The following ERC2 variants were observed in gnomAD, a reference collection of about 807,000 sequenced individuals.
ERC2 encodes the protein ELKS/RAB6-interacting/CAST family member 2.
A neutral mutation model predicts 114.8 loss-of-function variants in ERC2; 42 were observed. The observed-to-expected ratio is 0.37, with a 90% CI of 0.29 to 0.47. The LOEUF (loss-of-function observed/expected upper bound fraction) is 0.47. Among genes scored for constraint, ERC2 ranks in the 20% least tolerant of loss-of-function variants. The pLI is 0.99. For synonymous variants in ERC2, 454 were observed against 425.5 expected (o/e 1.07, Z -0.82); for missense variants, 939 against 1,150.7 (o/e 0.82, Z 2.66).
At chr3:55,978,601 T>C (rs1223743726) in intron 12 of ERC2, among the ~76,000 whole-genome samples, 1 of 152,206 alleles carries the variant, frequency 6.6e-6, no homozygotes, top group Non-Finnish European at 1.5e-5. Context: ...TTACTGAGCA[T>C]CTCCTATGTG....
intron 12 of ERC2, among the ~76,000 whole-genome samples, chr3:55,976,995 TCA>T (rs1256724056): frequency 1.3e-5 from 2 of 152,340 alleles, no homozygotes; most frequent in African/African-American, 4.8e-5. Context: ...CACCTTGTTC[TCA>T]CACAGAGAGA....
chr3:55,686,645 C>G (rs2062348194), intron 16 of ERC2, among the ~76,000 whole-genome samples: 1 of 152,214 alleles, frequency 6.6e-6, no homozygotes, highest in African/African-American at 2.4e-5. Flanking sequence ...AAGAAACAGA[C>G]AAGTATCACT....
At chr3:56,242,477 A>C (rs2051388885) in intron 3 of ERC2, among the ~76,000 whole-genome samples, 1 of 135,736 alleles carries the variant, frequency 7.4e-6, no homozygotes, top group Admixed American at 7.8e-5. Flanking sequence ...ATTTAAATAA[A>C]TAATAAATAA....
rs1575837210 is a variant in ERC2 at position 55,850,213 on chromosome 3, C to A, written c.2564+38176G>T. 3.3e-5 allele frequency among the ~76,000 whole-genome samples: 5 copies of A among 152,290 alleles called. No individual in the cohort carries two copies. In the East Asian group the frequency reaches 9.7e-4, roughly 29 times the overall value. On this transcript the variant is annotated intron_variant, in intron 14 of 17. Transcript: ENST00000288221. ...AGAACATCTGTCATTGGATTTAGGG[C>A]CCATCCAAATATAGGATGTTCTCAT...
intron 17 of ERC2, among the ~76,000 whole-genome samples, chr3:55,539,516 A>G (rs1347073922): frequency 7.2e-6 from 1 of 137,948 alleles, no homozygotes; most frequent in Non-Finnish European, 1.5e-5. Flanking sequence ...TGCACCTCCC[A>G]GGTTCACACC....
intron 5 of ERC2, among the ~76,000 whole-genome samples, chr3:56,142,742 TCTG>T (rs1178049696): frequency 6.6e-6 from 1 of 152,164 alleles, no homozygotes; most frequent in Non-Finnish European, 1.5e-5. Context: ...GCTTTCTGAT[TCTG>T]CTATTTATTC....
chr3:55,710,221 C>T (rs1473620278), intron 15 of ERC2, among the ~76,000 whole-genome samples: 1 of 152,100 alleles, frequency 6.6e-6, no homozygotes, highest in African/African-American at 2.4e-5. Context: ...TCTGTGGACA[C>T]CCCCAGAGAT....
chr3:55,618,614 A>G (rs866314215), intron 17 of ERC2, among the ~76,000 whole-genome samples: 12 of 152,092 alleles, frequency 7.9e-5, no homozygotes, highest in Non-Finnish European at 5.9e-5. Flanking sequence ...TTATAATATA[A>G]TCCCATTCTT....
chr3:56,254,246 TTCC>T (rs2052368910), intron 3 of ERC2, among the ~76,000 whole-genome samples: 1 of 152,254 alleles, frequency 6.6e-6, no homozygotes, highest in African/African-American at 2.4e-5. Flanking sequence ...TTTGAAATAC[TTCC>T]TTGGCTCCTC....
intron 3 of ERC2, among the ~76,000 whole-genome samples, chr3:56,260,556 G>A (rs1018716953): frequency 2.0e-5 from 3 of 152,166 alleles, no homozygotes; most frequent in Non-Finnish European, 2.9e-5. Context: ...CAGCTCTGGG[G>A]ACAAGCACTG....
chr3:56,213,971 C>A (rs2049266265), intron 3 of ERC2, among the ~76,000 whole-genome samples: 1 of 152,182 alleles, frequency 6.6e-6, no homozygotes, highest in African/African-American at 2.4e-5. Flanking sequence ...AACTAACAAA[C>A]AGAAAGGACA....
At chr3:56,034,556 C>G (rs2074673382) in intron 7 of ERC2, among the ~76,000 whole-genome samples, 1 of 152,128 alleles carries the variant, frequency 6.6e-6, no homozygotes, top group Non-Finnish European at 1.5e-5. Context: ...GCATATGAAA[C>G]ATTCTCTAGG....
intron 1 of ERC2, among the ~76,000 whole-genome samples, chr3:56,442,035 A>T (rs963083679): frequency 2.0e-5 from 3 of 152,130 alleles, no homozygotes; most frequent in Admixed American, 6.6e-5. Context: ...GTTAATTTTT[A>T]AAAAATCAAA....
intron 17 of ERC2, among the ~76,000 whole-genome samples, chr3:55,592,804 G>A (rs188113827): frequency 1.2e-3 from 181 of 152,264 alleles, no homozygotes; most frequent in African/African-American, 3.3e-3. Flanking sequence ...AAGCCCCCAC[G>A]CAGATCTGCT....
At chr3:56,413,132 A>C (rs2107135133) in intron 2 of ERC2, among the ~76,000 whole-genome samples, 1 of 152,290 alleles carries the variant, frequency 6.6e-6, no homozygotes, top group Middle Eastern at 3.4e-3. Flanking sequence ...GGGTCACTGT[A>C]GTGCAAAAGG....
intron 7 of ERC2, among the ~76,000 whole-genome samples, chr3:56,038,657 G>A (rs571816904): frequency 1.4e-4 from 22 of 151,984 alleles, no homozygotes; most frequent in Non-Finnish European, 1.2e-4. Context: ...AGCACTATTC[G>A]CAATAGCAAA....
At chr3:56,129,984 T>C (rs1368293635) in intron 6 of ERC2, among the ~76,000 whole-genome samples, 1 of 152,186 alleles carries the variant, frequency 6.6e-6, no homozygotes, top group African/African-American at 2.4e-5. Flanking sequence ...TCAAAATACA[T>C]TGACAATGGG....
intron 2 of ERC2, among the ~76,000 whole-genome samples, chr3:56,297,993 A>C (rs73086441): frequency 0.042 from 6,400 of 152,294 alleles, 306 homozygotes; most frequent in African/African-American, 0.11. Context: ...TCTGTATACC[A>C]CAGTGCCTCT....
chr3:55,833,117 C>G (rs2060690859), intron 14 of ERC2, among the ~76,000 whole-genome samples: 2 of 149,546 alleles, frequency 1.3e-5, no homozygotes, highest in Middle Eastern at 3.4e-3. Context: ...TGTGAAAAGA[C>G]CAAATCTACG....
Sources: allele counts gnomAD v4.1 joint callset (sites outside exome capture counted in the v4.1 genomes callset), GRCh38; gene constraint gnomAD v4.1.1; transcripts MANE v1.5; gene names NCBI Gene and HGNC (gene_info 2026-07-23, HGNC 2026-07-21).